Variants in EIF3M observed in about 807,000 individuals in gnomAD.
EIF3M encodes B5 receptor.
A neutral mutation model predicts 49.7 loss-of-function variants in EIF3M; 25 were observed. The observed-to-expected ratio is 0.50, with a 90% CI of 0.37 to 0.70. EIF3M has a LOEUF of 0.70. Ranked by LOEUF, EIF3M falls within the 30% of genes least tolerant of loss-of-function variation. The pLI, the probability that EIF3M is intolerant of heterozygous loss-of-function variation, is 0.00. For synonymous variants in EIF3M, 156 were observed against 149.8 expected (o/e 1.04, Z -0.30); for missense variants, 350 against 440.0 (o/e 0.80, Z 1.83).
intron 4 of EIF3M, 98 bp downstream of exon 4, chr11:32,589,233 A>G (rs1855054812): frequency 2.0e-6 from 3 of 1,525,696 alleles, no homozygotes; most frequent in Non-Finnish European, 2.6e-6. Context: ...CTGGAGTGCA[A>G]TGGCGCAATC....
chr11:32,584,673 C>T (rs1056089898), intron 1 of EIF3M, among the ~76,000 whole-genome samples: 10 of 150,692 alleles, frequency 6.6e-5, no homozygotes, highest in African/African-American at 2.4e-4. Context: ...CGAAGACGAC[C>T]CGTATTTTAC....
chr11:32,603,099 T>C lies in EIF3M; in HGVS notation c.*700T>C, dbSNP rs1034119218. ...AGAGTCTGTAAAGCCTCTGCAGTTA[T>C]GAGTATGTGGTAAAACCACCATCTC... On this transcript the variant is annotated 3_prime_UTR_variant, in exon 11 of 11. Transcript: ENST00000531120. 5.5e-5 allele frequency: 65 copies of C among 1,184,848 alleles called. No individual in the cohort carries two copies. Among genetic ancestry groups the C allele is most frequent in the East Asian group, 9.4e-5 (4 of 42,496 alleles). The allele number at this position is 1,184,848 out of a possible 1,614,324, so 73.4% of individuals were successfully genotyped here.
At position 32,602,310 on chromosome 11, in the gene EIF3M, C is replaced by T; in HGVS notation, c.1036C>T (p.Gln346Ter). 6.2e-7 allele frequency: 1 copy of T among 1,611,712 alleles called. No homozygotes were observed. Among genetic ancestry groups the T allele is most frequent in the Non-Finnish European group, 8.5e-7 (1 of 1,178,628 alleles). Residue 346 changes from glutamine (Q) to a stop codon, truncating the protein, a stop_gained, in exon 11 of 11, where the codon CAG (glutamine) becomes TAG (stop). Transcript: ENST00000531120. LOFTEE classifies it high-confidence loss of function. The stretch of plus-strand genomic sequence containing the variant: ...CACACATCGGACATTTGGAAAACAG[C>T]AGTGGCAACAACTGTATGACACACT... Reference protein sequence around the residue: ...HSTHRTFGKQQWQQLYDTLNA... With the variant: ...HSTHRTFGKQ
chr11:32,587,253 CAG>C, intron 2 of EIF3M, 109 bp downstream of exon 2: 1 of 1,124,222 alleles, frequency 8.9e-7, no homozygotes, highest in Non-Finnish European at 1.2e-6. Context: ...TTGGAACCCT[CAG>C]ATACAGAAGG....
At position 32,603,070 on chromosome 11, in the gene EIF3M, TTAAAG is replaced by T; in HGVS notation, c.*672_*676del. 6.9e-7 allele frequency: 1 copy of T among 1,448,534 alleles called. No individual in the cohort carries two copies. Among genetic ancestry groups the T allele is most frequent in the South Asian group, 1.3e-5 (1 of 78,898 alleles). The allele number at this position is 1,448,534 out of a possible 1,614,324, so 89.7% of individuals were successfully genotyped here. ...CTTCGAAATTATTATACAAAAGATT[TTAAAG>T]AGTCTGTAAAGCCTCTGCAGTTATG... On this transcript the variant is annotated 3_prime_UTR_variant, in exon 11 of 11. Transcript: ENST00000531120.
rs1855323966 is a variant in EIF3M, at chr11:32,604,780, T to C, written c.*2381T>C. ...GGGTACTGCCTTACATTAAAATCTT[T>C]TTCAATTTGACCAGTAAAAGTGGCA... is the stretch of plus-strand genomic sequence containing the variant. On this transcript the variant is annotated 3_prime_UTR_variant, in exon 11 of 11. Coordinates refer to ENST00000531120, the MANE Select transcript of EIF3M (RefSeq NM_006360.6). 6.6e-6 allele frequency: 1 copy of C among 152,218 alleles called. No individual in the cohort carries two copies. The highest frequency in any genetic ancestry group is 6.5e-5 in the Admixed American group (1 of 15,284). 9.4% of individuals were successfully genotyped at this position (152,218 alleles called of 1,614,324 possible). A position where few individuals can be genotyped will look rare whatever the true frequency, so the allele number is the denominator to read the frequency against.
intron 5 of EIF3M, chr11:32,592,642 C>A (rs897116802): frequency 5.9e-5 from 30 of 510,626 alleles, no homozygotes; most frequent in South Asian, 4.3e-4. Flanking sequence ...TCTCTGATTA[C>A]CACACAACCT....
At chr11:32,594,204 C>T (rs1027961555) in intron 6 of EIF3M, 2 of 304,866 alleles carry the variant, frequency 6.6e-6, no homozygotes, top group African/African-American at 4.3e-5. Flanking sequence ...ATGATGATCC[C>T]AACCCAAGAA....
chr11:32,596,367 G>A (rs145858417), intron 8 of EIF3M, among the ~76,000 whole-genome samples: 2,766 of 152,062 alleles, frequency 0.018, 71 homozygotes, highest in East Asian at 0.083. Context: ...CGAGGCGGGC[G>A]GATCACGAGG....
In EIF3M at chr11:32,601,814, A is replaced by G; in HGVS notation, c.996A>G (p.Val332=). 6.2e-7 allele frequency: 1 copy of G among 1,612,668 alleles called. No homozygotes were observed. ...YCKIDQTQRK[V]VVSHSTHRTF... Reference sequence around the variant, plus strand: ...AAATTGATCAGACCCAGAGAAAAGTAGTTGTCAGGTAAGATATTTAATGCT... The same window carrying G: ...AAATTGATCAGACCCAGAGAAAAGTGGTTGTCAGGTAAGATATTTAATGCT... Residue 332 remains valine, a synonymous_variant, in exon 10 of 11, where the codon GTA becomes GTG. Transcript: ENST00000531120.
chr11:32,592,975 T>C (rs1855126297), intron 5 of EIF3M, among the ~76,000 whole-genome samples: 1 of 152,238 alleles, frequency 6.6e-6, no homozygotes. Context: ...TCACTACATT[T>C]AAGATGCGGG....
At chr11:32,600,586 A>G in intron 8 of EIF3M, 103 bp from the exon 9 acceptor site, 1 of 1,315,532 alleles carries the variant, frequency 7.6e-7, no homozygotes, top group Non-Finnish European at 9.9e-7. Context: ...AATTTCCACA[A>G]TTACAAAAGT....
intron 8 of EIF3M, 46 bp from the exon 9 acceptor site, chr11:32,600,643 T>G: frequency 6.7e-7 from 1 of 1,502,842 alleles, no homozygotes; most frequent in Non-Finnish European, 8.9e-7. Context: ...GTGCAGGTCT[T>G]TAATTAGTAT....
chr11:32,602,575 C>A lies in EIF3M; in HGVS notation c.*176C>A. On this transcript the variant is annotated 3_prime_UTR_variant, in exon 11 of 11. Coordinates refer to ENST00000531120, the MANE Select transcript of EIF3M (RefSeq NM_006360.6). ...ACAAGGGGTCACAATGTCTGTCATACAATACATAAATTCTGTTCTTTAAAA... is the reference window on the plus strand; with the variant it reads ...ACAAGGGGTCACAATGTCTGTCATAAAATACATAAATTCTGTTCTTTAAAA... 1.2e-6 allele frequency: 1 copy of A among 826,120 alleles called. No individual in the cohort carries two copies. The highest frequency in any genetic ancestry group is 1.8e-6 in the Non-Finnish European group (1 of 551,108). The allele number at this position is 826,120 out of a possible 1,614,324, so 51.2% of individuals were successfully genotyped here.
In EIF3M at chr11:32,589,237, C is replaced by T. The variant is rs540774808; in HGVS notation, c.438+102C>T. The T allele has an allele frequency of 6.5e-5, 98 of 1,509,332 alleles. No individual in the cohort carries two copies. In the South Asian group the frequency reaches 7.4e-4, roughly 11 times the overall value. 93.5% of individuals were successfully genotyped at this position (1,509,332 alleles called of 1,614,324 possible). On this transcript the variant is annotated intron_variant, in intron 4 of 10. Coordinates refer to ENST00000531120, the MANE Select transcript of EIF3M (RefSeq NM_006360.6). Reference sequence around the variant, plus strand: ...TGTTGCCCAGGCTGGAGTGCAATGGCGCAATCTCAGCTCACCGCAACCTCC... The same window carrying T: ...TGTTGCCCAGGCTGGAGTGCAATGGTGCAATCTCAGCTCACCGCAACCTCC...
intron 10 of EIF3M, 158 bp from the exon 11 acceptor site, chr11:32,602,121 A>AT (rs762005099): frequency 3.3e-5 from 39 of 1,188,640 alleles, no homozygotes; most frequent in South Asian, 7.1e-5. Flanking sequence ...TATGGTAAAG[A>AT]TTTTTTTTAA....
intron 2 of EIF3M, 48 bp downstream of exon 2, chr11:32,587,192 T>G (rs1855014922): frequency 6.6e-7 from 1 of 1,516,380 alleles, no homozygotes; most frequent in African/African-American, 1.4e-5. Flanking sequence ...ATCTTTTAAA[T>G]TTTTCTTGTG....
intron 9 of EIF3M, 23 bp downstream of exon 9, chr11:32,600,855 A>G (rs981767641): frequency 1.3e-6 from 2 of 1,572,120 alleles, no homozygotes; most frequent in African/African-American, 1.4e-5. Context: ...GAACATTTTC[A>G]TTTATTTCTA....
At chr11:32,598,928 C>T (rs201857) in intron 8 of EIF3M, among the ~76,000 whole-genome samples, 65,837 of 151,774 alleles carry the variant, frequency 0.43, 14,700 homozygotes, top group African/African-American at 0.49. Flanking sequence ...ATTCAAATTC[C>T]TTCATTTGCC....
Sources: gnomAD v4.1 joint callset for allele counts (sites outside exome capture counted in the v4.1 genomes callset) on GRCh38, gnomAD v4.1.1 for gene constraint, MANE v1.5 for transcripts, NCBI Gene and HGNC (gene_info 2026-07-23, HGNC 2026-07-21) for gene names.